Variants in C18orf63 observed in about 807,000 individuals in gnomAD.
C18orf63 encodes chromosome 18 open reading frame 63.
In C18orf63, 50 loss-of-function variants were observed where a neutral mutation model predicts 75.3. The ratio of observed to expected loss-of-function variants is 0.66; its 90% CI spans 0.53 to 0.84. C18orf63 has a LOEUF of 0.84. Among genes scored for constraint, C18orf63 ranks in the 40% least tolerant of loss-of-function variants. The pLI is 0.00. For synonymous variants in C18orf63, 232 were observed against 267.6 expected, an observed-to-expected ratio of 0.87 and a Z score of 1.30; for missense variants, 732 against 800.2, an observed-to-expected ratio of 0.91 and a Z score of 1.03.
intron 8 of C18orf63, among the ~76,000 whole-genome samples, chr18:74,339,942 A>T (rs968904282): frequency 3.3e-5 from 5 of 152,186 alleles, no homozygotes; most frequent in Admixed American, 6.5e-5. Context: ...GAGGTGAAAG[A>T]CCTGTACACT....
chr18:74,341,430 C>T (rs1984484226), intron 8 of C18orf63, among the ~76,000 whole-genome samples: 1 of 152,040 alleles, frequency 6.6e-6, no homozygotes. Flanking sequence ...CATCTGTAAT[C>T]CCAGCACTTT....
chr18:74,323,260 G>A (rs1455149484), intron 4 of C18orf63, among the ~76,000 whole-genome samples: 7 of 152,170 alleles, frequency 4.6e-5, no homozygotes, highest in African/African-American at 1.7e-4. Context: ...CTGAGACACT[G>A]TGTCATTGGT....
chr18:74,351,347 G>T (rs1284149600), intron 11 of C18orf63, among the ~76,000 whole-genome samples: 1 of 152,164 alleles, frequency 6.6e-6, no homozygotes, highest in Non-Finnish European at 1.5e-5. Context: ...TGAGGTATGG[G>T]TCTCGTTCTC....
chr18:74,323,998 G>A (rs1984166816), intron 4 of C18orf63, among the ~76,000 whole-genome samples: 3 of 152,226 alleles, frequency 2.0e-5, no homozygotes, highest in Admixed American at 1.3e-4. Flanking sequence ...CTTGCACCTG[G>A]AGCTGCCAGG....
chr18:74,354,503 A>G lies in C18orf63; in HGVS notation c.2048A>G (p.His683Arg). 2.8e-6 allele frequency: 4 copies of G among 1,450,692 alleles called. No homozygotes were observed. The highest frequency in any genetic ancestry group is 3.7e-6 in the Non-Finnish European group (4 of 1,071,664). The allele number at this position is 1,450,692 out of a possible 1,614,324, so 89.9% of individuals were successfully genotyped here. Residue 683 changes from histidine to arginine, a missense_variant, in exon 13 of 14, where the codon CAT becomes CGT. His to Arg is a conservative substitution (Grantham distance 29). This residue lies in a region of C18orf63 where 495 missense variants were observed against 508.7 expected (regional missense o/e 0.97). Coordinates refer to ENST00000579455, the MANE Select transcript of C18orf63 (RefSeq NM_001174123.2). ...KSKLKKSLII[H>R]NA ...AAACTTAAGAAATCTCTCATCATTC[A>G]TAATGCTTAGAACATGGACCTGAAA...
chr18:74,339,787 C>G (rs1984449579), intron 8 of C18orf63, among the ~76,000 whole-genome samples: 1 of 152,142 alleles, frequency 6.6e-6, no homozygotes, highest in African/African-American at 2.4e-5. Context: ...TAAACAGATT[C>G]AGTAAAGTTG....
rs569175147 is a variant in C18orf63, at chr18:74,357,949, C to T, written c.*1502C>T. The T allele has an allele frequency of 2.1e-3, 317 of 152,116 alleles. 3 individuals are homozygous for T. Among genetic ancestry groups the T allele is most frequent in the African/African-American group, 7.5e-3 (311 of 41,484 alleles). The allele number at this position is 152,116 out of a possible 1,614,324, so 9.4% of individuals were successfully genotyped here. On this transcript the variant is annotated 3_prime_UTR_variant, in exon 14 of 14. Transcript: ENST00000579455. ...GTTTATGAGGCTATGGTGAAAATAA[C>T]ATTAGTAAATATGCATTTTTGATGA... is the stretch of plus-strand genomic sequence containing the variant.
chr18:74,341,744 A>G (rs1189149029), intron 8 of C18orf63, among the ~76,000 whole-genome samples: 1 of 152,136 alleles, frequency 6.6e-6, no homozygotes, highest in Admixed American at 6.5e-5. Flanking sequence ...AAAAAAAAAA[A>G]GTATGTGAGT....
chr18:74,323,800 CTG>C (rs1984163935), intron 4 of C18orf63, among the ~76,000 whole-genome samples: 1 of 152,198 alleles, frequency 6.6e-6, no homozygotes, highest in Non-Finnish European at 1.5e-5. Flanking sequence ...AGGCCACTGT[CTG>C]TGTGGTTTGC....
chr18:74,348,494 T>C (rs1372950717), intron 11 of C18orf63, among the ~76,000 whole-genome samples: 2 of 152,208 alleles, frequency 1.3e-5, no homozygotes, highest in African/African-American at 2.4e-5. Context: ...TTTCATTTAA[T>C]TATTGCTTTA....
At position 74,342,050 on chromosome 18, in the gene C18orf63, T is replaced by G. The variant is rs982913161; in HGVS notation, c.630T>G (p.Ile210Met). The G allele has an allele frequency of 8.6e-6, 13 of 1,517,404 alleles. No individual in the cohort carries two copies. The highest frequency in any genetic ancestry group is 1.1e-5 in the Non-Finnish European group (12 of 1,131,516). The allele number at this position is 1,517,404 out of a possible 1,614,324, so 94.0% of individuals were successfully genotyped here. A position where few individuals can be genotyped will look rare whatever the true frequency, so the allele number is the denominator to read the frequency against. ...TTCATAGTATGAAAATGGGACAAAT[T>G]ATAAATATTTTTCATGCCATCCCCG... ...YVLPSMKMGQ[I>M]INIFHAIPAA... Residue 210 changes from isoleucine (I) to methionine (M), a missense_variant, in exon 9 of 14, where the codon ATT becomes ATG. Ile to Met is a conservative substitution (Grantham distance 10). Transcript: ENST00000579455.
In C18orf63 at chr18:74,357,652, A is replaced by C. The variant is rs1320150000; in HGVS notation, c.*1205A>C. 1 of 147,266 alleles carries C rather than the reference A, an allele frequency of 6.8e-6. No homozygotes were observed. The highest frequency in any genetic ancestry group is 6.9e-5 in the Admixed American group (1 of 14,560). 9.1% of individuals were successfully genotyped at this position (147,266 alleles called of 1,614,324 possible). ...TTTATTGTCTCCACCACTTTACTAA[A>C]CCATTGCAATTAAAAGCAAAAGTAA... is the stretch of plus-strand genomic sequence containing the variant. On this transcript the variant is annotated 3_prime_UTR_variant, in exon 14 of 14. Coordinates refer to ENST00000579455, the MANE Select transcript of C18orf63 (RefSeq NM_001174123.2).
intron 11 of C18orf63, among the ~76,000 whole-genome samples, chr18:74,346,629 G>A (rs1984580127): frequency 6.6e-6 from 1 of 152,170 alleles, no homozygotes; most frequent in Non-Finnish European, 1.5e-5. Flanking sequence ...AAGAAGATAT[G>A]TTGTTACATC....
At chr18:74,345,130 C>T (rs542188032) in intron 11 of C18orf63, among the ~76,000 whole-genome samples, 13 of 152,066 alleles carry the variant, frequency 8.5e-5, no homozygotes, top group African/African-American at 1.9e-4. Flanking sequence ...TGCATTTTCC[C>T]GATTATTAAT....
Position 74,352,892 on chromosome 18 carries a change from T to C in C18orf63, c.979-354T>C, listed in dbSNP as rs545542320. On this transcript the variant is annotated intron_variant, in intron 11 of 13. Coordinates refer to ENST00000579455, the MANE Select transcript of C18orf63 (RefSeq NM_001174123.2). ...ATTGATGGGTGGGAGAAGGTGGGAC[T>C]TTGAGTATCTGAAGGAGGTCATACC... Among the ~76,000 whole-genome samples, 5 of 152,272 alleles carry C rather than the reference T, an allele frequency of 3.3e-5. No individual in the cohort carries two copies. The East Asian group carries it at 9.7e-4, about 29-fold the overall frequency.
chr18:74,331,006 G>A, intron 7 of C18orf63, 64 bp downstream of exon 7: 2 of 606,542 alleles, frequency 3.3e-6, no homozygotes, highest in East Asian at 3.5e-5. Flanking sequence ...ATTTATTATT[G>A]TTACTAACGT....
At chr18:74,334,215 G>A (rs1984355207) in intron 7 of C18orf63, among the ~76,000 whole-genome samples, 1 of 151,890 alleles carries the variant, frequency 6.6e-6, no homozygotes, top group Non-Finnish European at 1.5e-5. Context: ...ACATGCCCAG[G>A]GAAAAGAAAT....
In C18orf63 at chr18:74,346,533, T is replaced by C. The variant is rs527532365; in HGVS notation, c.978+2831T>C. Among the ~76,000 whole-genome samples, 451 of 152,320 alleles carry C rather than the reference T, an allele frequency of 3.0e-3. 2 individuals are homozygous for C. The highest frequency in any genetic ancestry group is 4.7e-3 in the Non-Finnish European group (317 of 68,014). Reference sequence around the variant, plus strand: ...GGGAGAGTGAGTGGACAAATGCCCATTGACATCTTTAAAACAGTATTAAAG... The same window carrying C: ...GGGAGAGTGAGTGGACAAATGCCCACTGACATCTTTAAAACAGTATTAAAG... On this transcript the variant is annotated intron_variant, in intron 11 of 13. Coordinates refer to ENST00000579455, the MANE Select transcript of C18orf63 (RefSeq NM_001174123.2).
rs568054020 is a variant in C18orf63, at chr18:74,349,314, G to A, written c.979-3932G>A. On this transcript the variant is annotated intron_variant, in intron 11 of 13. Transcript: ENST00000579455. ...CCAATTTAGGAACCCTTCTTCTCAC[G>A]ATAGCATCTGTGCAGAGAAACCTTG... 1.4e-4 allele frequency among the ~76,000 whole-genome samples: 21 copies of A among 152,242 alleles called. No homozygotes were observed. In the South Asian group the frequency reaches 3.7e-3, roughly 27 times the overall value.
Sources: gnomAD v4.1 joint callset for allele counts (sites outside exome capture counted in the v4.1 genomes callset) on GRCh38, gnomAD v4.1.1 for gene constraint, gnomAD v4.1.1 regional missense constraint, MANE v1.5 for transcripts, NCBI Gene and HGNC (gene_info 2026-07-23, HGNC 2026-07-21) for gene names.